The following CUL2 variants were observed in gnomAD, a reference collection of about 807,000 sequenced individuals.
CUL2 encodes cullin-2.
CUL2 carries 22 observed loss-of-function variants against 110.2 expected under a neutral mutation model. That is an observed-to-expected ratio of 0.20 (90% CI 0.14 to 0.28). The LOEUF (loss-of-function observed/expected upper bound fraction) is 0.28. Ranked by LOEUF, CUL2 falls within the 10% of genes least tolerant of loss-of-function variation. CUL2 has a pLI of 1.00. For synonymous variants in CUL2, 279 were observed against 293.2 expected (o/e 0.95, Z 0.49); for missense variants, 631 against 905.5 (o/e 0.70, Z 3.89).
At chr10:35,061,835 TG>T (rs1214470779) in intron 3 of CUL2, among the ~76,000 whole-genome samples, 1 of 150,464 alleles carries the variant, frequency 6.6e-6, no homozygotes, top group African/African-American at 2.4e-5. Flanking sequence ...CTTGAACTCC[TG>T]GCCTCATATG....
upstream of CUL2, chr10:35,090,400 A>T (rs941910409): frequency 5.9e-5 from 9 of 151,838 alleles, no homozygotes; most frequent in Non-Finnish European, 1.3e-4. Flanking sequence ...TGGGGAGCGA[A>T]GCCCGGGGAG....
chr10:35,054,655 T>C (rs768058554), intron 4 of CUL2, 116 bp from the exon 5 acceptor site: 5 of 525,912 alleles, frequency 9.5e-6, no homozygotes, highest in African/African-American at 2.0e-5. Context: ...AATAGCCTAC[T>C]AACAAATCCA....
intron 6 of CUL2, among the ~76,000 whole-genome samples, chr10:35,047,014 A>G (rs1209159836): frequency 1.3e-5 from 2 of 152,224 alleles, no homozygotes; most frequent in African/African-American, 4.8e-5. Flanking sequence ...GGGTAACTAA[A>G]CAGTAGGTGA....
In CUL2 at chr10:35,042,634, G is replaced by A. The variant is rs559601262; in HGVS notation, c.714+1932C>T. On this transcript the variant is annotated intron_variant, in intron 8 of 20. Coordinates refer to ENST00000374749, the MANE Select transcript of CUL2 (RefSeq NM_003591.4). The stretch of plus-strand genomic sequence containing the variant: ...TGAAGCTTCCACAAAAATCCAAGAA[G>A]ACTGGGTTCCACAGGGATAGAAGCT... Among the ~76,000 whole-genome samples, 8 of 152,214 alleles carry A rather than the reference G, an allele frequency of 5.3e-5. No individual in the cohort carries two copies. In the South Asian group the frequency reaches 1.4e-3, roughly 28 times the overall value.
intron 1 of CUL2, among the ~76,000 whole-genome samples, chr10:35,109,078 T>C (rs1353739959): frequency 6.6e-6 from 1 of 152,066 alleles, no homozygotes; most frequent in African/African-American, 2.4e-5. Context: ...CCAGGTGTGG[T>C]GGTGCACACC....
chr10:35,012,053 CTTT>C (rs5784438), intron 19 of CUL2, 89 bp from the exon 20 acceptor site: 8,184 of 468,484 alleles, frequency 0.017, no homozygotes, highest in South Asian at 0.028. Context: ...AGTGCAAATA[CTTT>C]TTTTTTTTTT....
chr10:35,102,046 C>T (rs2087386916), intron 1 of CUL2, among the ~76,000 whole-genome samples: 1 of 152,144 alleles, frequency 6.6e-6, no homozygotes, highest in Non-Finnish European at 1.5e-5. Context: ...TCGAGACCAG[C>T]CTGGCCAATA....
At chr10:35,105,348 C>G (rs1403685018) in intron 1 of CUL2, among the ~76,000 whole-genome samples, 1 of 150,822 alleles carries the variant, frequency 6.6e-6, no homozygotes. Context: ...ATGGCGTGAA[C>G]CCGGGAGGCG....
At chr10:35,063,721 T>C (rs2086443301) in intron 2 of CUL2, 2 of 151,658 alleles carry the variant, frequency 1.3e-5, no homozygotes, top group South Asian at 4.2e-4. Flanking sequence ...CTTAACCAAG[T>C]TTCCTAGCCT....
At chr10:35,027,718 T>G (rs1467124435) in intron 16 of CUL2, among the ~76,000 whole-genome samples, 1 of 152,182 alleles carries the variant, frequency 6.6e-6, no homozygotes, top group African/African-American at 2.4e-5. Context: ...TTCAATCCTA[T>G]GTATCTGAAA....
intron 17 of CUL2, 139 bp from the exon 18 acceptor site, chr10:35,016,533 G>A: frequency 1.5e-6 from 1 of 681,784 alleles, no homozygotes; most frequent in East Asian, 2.7e-5. Flanking sequence ...TGTTAACAAG[G>A]TAGTCATTTT....
intron 2 of CUL2, among the ~76,000 whole-genome samples, chr10:35,069,802 C>T (rs923130636): frequency 1.8e-4 from 27 of 152,136 alleles, no homozygotes; most frequent in African/African-American, 6.5e-4. Flanking sequence ...CTCCTCTTCC[C>T]TCTCTGCTCC....
intron 1 of CUL2, among the ~76,000 whole-genome samples, chr10:35,085,739 T>C (rs2087049136): frequency 6.8e-6 from 1 of 147,672 alleles, no homozygotes; most frequent in African/African-American, 2.5e-5. Flanking sequence ...ATATGAAACA[T>C]TGCTTTCAAT....
intron 2 of CUL2, chr10:35,099,557 G>A (rs2087347725): frequency 6.6e-6 from 1 of 152,038 alleles, no homozygotes; most frequent in Non-Finnish European, 1.5e-5. Flanking sequence ...CTGAGGTCAC[G>A]AGTTCAAGAC....
At chr10:35,074,442 T>G (rs947735669) in intron 1 of CUL2, 14 of 583,888 alleles carry the variant, frequency 2.4e-5, no homozygotes, top group Non-Finnish European at 3.7e-5. Context: ...TATCTTTTCC[T>G]TAGCTGCCCC....
intron 4 of CUL2, among the ~76,000 whole-genome samples, chr10:35,059,515 G>A (rs1490292857): frequency 6.6e-6 from 1 of 152,092 alleles, no homozygotes; most frequent in African/African-American, 2.4e-5. Context: ...TTTAGACAAT[G>A]CTACTGCACA....
In CUL2 at chr10:35,010,293, C is replaced by T. The variant is rs373997423; in HGVS notation, c.*18G>A. The T allele has an allele frequency of 7.5e-5, 119 of 1,593,332 alleles. No individual in the cohort carries two copies. Among genetic ancestry groups the T allele is most frequent in the African/African-American group, 1.9e-4 (14 of 74,270 alleles). ...TGATGGCAATGATCTTCTCACACCA[C>T]GCTGGAGGAGAGCGACATCACGCGA... On this transcript the variant is annotated 3_prime_UTR_variant, in exon 21 of 21. Coordinates refer to ENST00000374749, the MANE Select transcript of CUL2 (RefSeq NM_003591.4).
chr10:35,034,064 T>G (rs997384979), intron 10 of CUL2, among the ~76,000 whole-genome samples: 1 of 152,112 alleles, frequency 6.6e-6, no homozygotes, highest in African/African-American at 2.4e-5. Context: ...AGAGAAGAAA[T>G]ACCTAATAGT....
intron 1 of CUL2, among the ~76,000 whole-genome samples, chr10:35,071,978 C>T (rs2086693157): frequency 6.6e-6 from 1 of 152,108 alleles, no homozygotes; most frequent in Non-Finnish European, 1.5e-5. Context: ...AACCAAAAGG[C>T]CAACTTCCAT....
Sources: gnomAD v4.1 joint callset for allele counts (sites outside exome capture counted in the v4.1 genomes callset) on GRCh38, gnomAD v4.1.1 for gene constraint, MANE v1.5 for transcripts, NCBI Gene and HGNC (gene_info 2026-07-23, HGNC 2026-07-21) for gene names.